The following PLCB4 variants were observed in gnomAD, a reference collection of about 807,000 sequenced individuals.
PLCB4 encodes the protein 1-phosphatidylinositol 4,5-bisphosphate phosphodiesterase beta-4.
In PLCB4, 77 loss-of-function variants were observed where a neutral mutation model predicts 178.8. The observed-to-expected ratio is 0.43, with a 90% confidence interval of 0.36 to 0.52. PLCB4 has a LOEUF of 0.52. Ranked by LOEUF, PLCB4 falls within the 20% of genes least tolerant of loss-of-function variation. The pLI, the probability that PLCB4 is intolerant of heterozygous loss-of-function variation, is 0.00. For missense variants in PLCB4, 1,024 were observed against 1,453.4 expected, an observed-to-expected ratio of 0.70 and a Z score of 4.80; for synonymous variants, 496 against 490.8, an observed-to-expected ratio of 1.01 and a Z score of -0.14.
At chr20:9,470,562 A>T (rs2044120631) in intron 36 of PLCB4, among the ~76,000 whole-genome samples, 1 of 152,222 alleles carries the variant, frequency 6.6e-6, no homozygotes, top group Non-Finnish European at 1.5e-5. Flanking sequence ...ATCTTTTTCA[A>T]ATATGTTACA....
intron 32 of PLCB4, among the ~76,000 whole-genome samples, chr20:9,447,420 T>A (rs1380170287): frequency 2.0e-5 from 3 of 152,182 alleles, no homozygotes; most frequent in Non-Finnish European, 4.4e-5. Flanking sequence ...TGTGGTCTCC[T>A]GTCTTCCAGC....
At chr20:9,074,788 A>T in intron 1 of PLCB4, among the ~76,000 whole-genome samples, 1 of 70,072 alleles carries the variant, frequency 1.4e-5, no homozygotes, top group African/African-American at 7.7e-5. Context: ...TCTCCCAGCT[A>T]GGCTTTTTTT....
intron 2 of PLCB4, among the ~76,000 whole-genome samples, chr20:9,207,889 G>A (rs1016191917): frequency 2.0e-5 from 3 of 152,302 alleles, no homozygotes; most frequent in Admixed American, 6.5e-5. Flanking sequence ...CACAGGGGTA[G>A]AGGAATACTT....
chr20:9,085,456 G>A (rs2090367334), intron 1 of PLCB4, among the ~76,000 whole-genome samples: 1 of 152,150 alleles, frequency 6.6e-6, no homozygotes, highest in African/African-American at 2.4e-5. Context: ...TGTAAGATGA[G>A]GACATGGGCC....
At chr20:9,191,497 A>G (rs1832803718) in intron 2 of PLCB4, among the ~76,000 whole-genome samples, 2 of 152,036 alleles carry the variant, frequency 1.3e-5, no homozygotes, top group Admixed American at 6.6e-5. Context: ...GAACTGTGAG[A>G]AATAAATTTC....
In PLCB4 at chr20:9,167,545, G is replaced by A. The variant is rs1231920522; in HGVS notation, c.-78-49845G>A. ...ATAAAAATATACTTTGAACATGAACGCGTACTTATTCATTGTCTTGGAAAG... is the reference window on the plus strand; with the variant it reads ...ATAAAAATATACTTTGAACATGAACACGTACTTATTCATTGTCTTGGAAAG... On this transcript the variant is annotated intron_variant, in intron 2 of 39. Coordinates refer to ENST00000378473, the MANE Select transcript of PLCB4 (RefSeq NM_001377142.1). Among the ~76,000 whole-genome samples, 3 of 152,076 alleles carry A rather than the reference G, an allele frequency of 2.0e-5. No homozygotes were observed. In the East Asian group the frequency reaches 5.8e-4, roughly 29 times the overall value.
intron 32 of PLCB4, among the ~76,000 whole-genome samples, chr20:9,448,114 A>G (rs894312322): frequency 2.0e-4 from 30 of 152,260 alleles, no homozygotes; most frequent in African/African-American, 7.2e-4. Flanking sequence ...TTTTTTTAGG[A>G]ACATTATGTA....
chr20:9,210,455 C>G (rs759466745), intron 2 of PLCB4, among the ~76,000 whole-genome samples: 3 of 152,070 alleles, frequency 2.0e-5, no homozygotes, highest in African/African-American at 7.2e-5. Context: ...GGATCACTCA[C>G]TTGGGTCGGT....
chr20:9,460,240 C>T (rs1255468537), intron 35 of PLCB4, among the ~76,000 whole-genome samples: 1 of 152,222 alleles, frequency 6.6e-6, no homozygotes, highest in African/African-American at 2.4e-5. Context: ...GCATCCAGCT[C>T]AGAGGAGCTC....
rs1176141818 is a variant in PLCB4, at chr20:9,139,612, C to G, written c.-79+43270C>G. Among the ~76,000 whole-genome samples, 3 of 152,006 alleles carry G rather than the reference C, an allele frequency of 2.0e-5. No homozygotes were observed. The East Asian group carries it at 5.8e-4, about 29-fold the overall frequency. On this transcript the variant is annotated intron_variant, in intron 2 of 39. Coordinates refer to ENST00000378473, the MANE Select transcript of PLCB4 (RefSeq NM_001377142.1). ...GGCTCAGAAGTCCTGGGTGACCACT[C>G]CCAGTGCATTCTGTCAAAGCAGTCA...
Position 9,336,465 on chromosome 20 carries a change from A to G in PLCB4, c.85-661A>G, listed in dbSNP as rs182265230. Among the ~76,000 whole-genome samples the G allele has an allele frequency of 3.1e-4, 47 of 152,254 alleles. No individual in the cohort carries two copies. In the East Asian group the frequency reaches 8.5e-3, roughly 28 times the overall value. ...TCAAAATTCAAAGCAATGGTTGTCA[A>G]ACTTTCGTGTGTGTTCGAATCTTCT... On this transcript the variant is annotated intron_variant, in intron 4 of 39. Coordinates refer to ENST00000378473, the MANE Select transcript of PLCB4 (RefSeq NM_001377142.1).
intron 26 of PLCB4, among the ~76,000 whole-genome samples, chr20:9,420,420 C>G (rs1402886549): frequency 6.6e-6 from 1 of 152,022 alleles, no homozygotes; most frequent in Non-Finnish European, 1.5e-5. Context: ...TCACTGCAAC[C>G]TCCTCCTCCC....
At chr20:9,454,865 G>A (rs2042966175) in intron 33 of PLCB4, among the ~76,000 whole-genome samples, 1 of 152,044 alleles carries the variant, frequency 6.6e-6, no homozygotes, top group Admixed American at 6.6e-5. Context: ...ACTGATTATT[G>A]AGCATCTGTT....
At chr20:9,408,121 G>A in intron 22 of PLCB4, 63 bp downstream of exon 22, 2 of 1,354,362 alleles carry the variant, frequency 1.5e-6, no homozygotes, top group South Asian at 1.3e-5. Context: ...GTGCTGATGA[G>A]CTTTTATCTA....
chr20:9,356,975 G>T (rs1372099725), intron 7 of PLCB4, among the ~76,000 whole-genome samples: 1 of 152,062 alleles, frequency 6.6e-6, no homozygotes, highest in Non-Finnish European at 1.5e-5. Flanking sequence ...AATTGGCTGG[G>T]TGTGGTGGCT....
intron 1 of PLCB4, among the ~76,000 whole-genome samples, chr20:9,076,501 A>G (rs975416326): frequency 1.3e-5 from 2 of 152,086 alleles, no homozygotes; most frequent in African/African-American, 4.8e-5. Context: ...ATAACACCCA[A>G]GTGTACAGAA....
chr20:9,284,027 G>A (rs2094516516), intron 3 of PLCB4, among the ~76,000 whole-genome samples: 1 of 151,954 alleles, frequency 6.6e-6, no homozygotes, highest in Non-Finnish European at 1.5e-5. Flanking sequence ...ATATATTTGT[G>A]TGACAGAGAC....
At chr20:9,250,748 C>T (rs2094172241) in intron 3 of PLCB4, among the ~76,000 whole-genome samples, 1 of 152,182 alleles carries the variant, frequency 6.6e-6, no homozygotes, top group African/African-American at 2.4e-5. Flanking sequence ...TCACCTCAAA[C>T]TCCATGCTTA....
At position 9,453,379 on chromosome 20, in the gene PLCB4, G is replaced by T. The variant is rs749780243; in HGVS notation, c.2913G>T (p.Thr971=). Reference sequence around the variant, plus strand: ...GTACCATGCAGAAGTTACACTGCACGCAAGTTGACAAAATTGTGGCACAGT... The same window carrying T: ...GTACCATGCAGAAGTTACACTGCACTCAAGTTGACAAAATTGTGGCACAGT... ...EHSTMQKLHC[T]QVDKIVAQYD... Residue 971 remains threonine, a synonymous_variant, in exon 33 of 40, where the codon ACG becomes ACT. Coordinates refer to ENST00000378473, the MANE Select transcript of PLCB4 (RefSeq NM_001377142.1). 5 of 1,612,450 alleles carry T rather than the reference G, an allele frequency of 3.1e-6. No homozygotes were observed. In the Middle Eastern group the frequency reaches 5.0e-4, roughly 160 times the overall value.
Sources: gnomAD v4.1 joint callset for allele counts (sites outside exome capture counted in the v4.1 genomes callset) on GRCh38, gnomAD v4.1.1 for gene constraint, MANE v1.5 for transcripts, NCBI Gene and HGNC (gene_info 2026-07-23, HGNC 2026-07-21) for gene names.